Variants in ACBD3 observed in about 807,000 individuals in gnomAD.
The protein encoded by ACBD3 is acyl-CoA binding domain containing 3, also known as Golgi resident protein GCP60.
Under a neutral mutation model 66.9 loss-of-function variants are expected in ACBD3, and 30 were observed. That is an observed-to-expected ratio of 0.45 (90% CI 0.34 to 0.61). The LOEUF (loss-of-function observed/expected upper bound fraction) is 0.61, where lower values mean the gene tolerates loss of function less well. Among genes scored for constraint, ACBD3 ranks in the 20% least tolerant of loss-of-function variants. ACBD3 has a pLI of 0.02. For missense variants in ACBD3, 544 were observed against 664.5 expected (o/e 0.82, Z 1.99); for synonymous variants, 278 against 259.8 (o/e 1.07, Z -0.68).
Position 226,146,334 on chromosome 1 carries a change from A to T in ACBD3, c.*276T>A. On this transcript the variant is annotated 3_prime_UTR_variant, in exon 8 of 8. Coordinates refer to ENST00000366812, the MANE Select transcript of ACBD3 (RefSeq NM_022735.4). Reference sequence around the variant, plus strand: ...GTGTTTTATTTTGGAGACTTTAAATATTTAACATGTAGCTCATGTAACTTC... The same window carrying T: ...GTGTTTTATTTTGGAGACTTTAAATTTTTAACATGTAGCTCATGTAACTTC... 2.9e-6 allele frequency: 1 copy of T among 350,412 alleles called. No individual in the cohort carries two copies. The highest frequency in any genetic ancestry group is 3.6e-5 in the South Asian group (1 of 27,508). The allele number at this position is 350,412 out of a possible 1,614,324, so 21.7% of individuals were successfully genotyped here.
chr1:226,151,483 T>C (rs1659571409), intron 7 of ACBD3, among the ~76,000 whole-genome samples: 1 of 152,224 alleles, frequency 6.6e-6, no homozygotes, highest in South Asian at 2.1e-4. Context: ...AGACTGTCCT[T>C]TAAAACACCC....
chr1:226,157,935 C>T lies in ACBD3; in HGVS notation c.903+1249G>A, dbSNP rs138538647. Among the ~76,000 whole-genome samples, 866 of 152,314 alleles carry T rather than the reference C, an allele frequency of 5.7e-3. 10 individuals carry two copies. Among genetic ancestry groups the T allele is most frequent in the African/African-American group, 0.02 (832 of 41,556 alleles). On this transcript the variant is annotated intron_variant, in intron 5 of 7. Transcript: ENST00000366812. ...AAATGATAGCAACCTATAAACAGGA[C>T]AGAGTGTATGTGCTATTAAAAATCA...
Position 226,146,625 on chromosome 1 carries a change from G to T in ACBD3, c.1572C>A (p.Val524=), listed in dbSNP as rs1223462172. ...AACAACATTTTTATCTAGTATAATA[G>T]ACTCTGTAGTAGACTGATTTTGACC... is the stretch of plus-strand genomic sequence containing the variant. ...LWRSKSVYYR[V]YYTR is the part of the protein sequence containing the mutation. The change falls in exon 8 of 8, where the codon GTC becomes GTA. Residue 524 remains valine (V), a synonymous_variant. Transcript: ENST00000366812. 1.2e-6 allele frequency: 2 copies of T among 1,613,546 alleles called. No individual in the cohort carries two copies. The highest frequency in any genetic ancestry group is 2.7e-5 in the African/African-American group (2 of 74,786).
intron 1 of ACBD3, among the ~76,000 whole-genome samples, chr1:226,185,990 G>A (rs1656292979): frequency 6.6e-6 from 1 of 152,116 alleles, no homozygotes; most frequent in Non-Finnish European, 1.5e-5. Context: ...GTTCTGATGT[G>A]ACAAGCCATG....
At chr1:226,171,836 C>T (rs2102786333) in intron 1 of ACBD3, among the ~76,000 whole-genome samples, 1 of 152,110 alleles carries the variant, frequency 6.6e-6, no homozygotes, top group East Asian at 2.0e-4. Context: ...AGCCACCGTG[C>T]CTGGCCAATA....
chr1:226,147,274 G>A (rs139283525), intron 7 of ACBD3, among the ~76,000 whole-genome samples: 383 of 152,216 alleles, frequency 2.5e-3, no homozygotes, highest in African/African-American at 8.7e-3. Flanking sequence ...TTATTAGTTC[G>A]TTCATTCATT....
chr1:226,150,272 C>T (rs113433566), intron 7 of ACBD3, among the ~76,000 whole-genome samples: 231 of 152,178 alleles, frequency 1.5e-3, no homozygotes, highest in Non-Finnish European at 2.6e-3. Flanking sequence ...CTCTACAAAA[C>T]GGGTTGCCCA....
At chr1:226,167,603 A>G (rs1013518343) in intron 1 of ACBD3, among the ~76,000 whole-genome samples, 2 of 152,224 alleles carry the variant, frequency 1.3e-5, no homozygotes, top group East Asian at 1.9e-4. Context: ...CACTTCTTTG[A>G]TAAATGGTAG....
In ACBD3 at chr1:226,174,113, G is replaced by C. The variant is rs904139698; in HGVS notation, c.287-8113C>G. Among the ~76,000 whole-genome samples, 34 of 152,072 alleles carry C rather than the reference G, an allele frequency of 2.2e-4. 1 individual carries two copies. The highest frequency in any genetic ancestry group is 2.1e-3 in the Admixed American group (32 of 15,258). On this transcript the variant is annotated intron_variant, in intron 1 of 7. Coordinates refer to ENST00000366812, the MANE Select transcript of ACBD3 (RefSeq NM_022735.4). ...TCTGGTACCATAAACGTTAAATGTA[G>C]TTAGCAGGAAAATAATAAGTACCAC...
rs890049831 is a variant in ACBD3 at position 226,145,044 on chromosome 1, A to G, written c.*1566T>C. ...TCCATGGTTTCTATACCATATGTACATGAAAGCTGACAGAGAGCCTGACAA... is the reference window on the plus strand; with the variant it reads ...TCCATGGTTTCTATACCATATGTACGTGAAAGCTGACAGAGAGCCTGACAA... On this transcript the variant is annotated 3_prime_UTR_variant, in exon 8 of 8. Coordinates refer to ENST00000366812, the MANE Select transcript of ACBD3 (RefSeq NM_022735.4). The G allele has an allele frequency of 1.3e-5, 2 of 152,588 alleles. No homozygotes were observed. Among genetic ancestry groups the G allele is most frequent in the Non-Finnish European group, 1.5e-5 (1 of 68,020 alleles). 9.5% of individuals were successfully genotyped at this position (152,588 alleles called of 1,614,324 possible). A position where few individuals can be genotyped will look rare whatever the true frequency, so the allele number is the denominator to read the frequency against.
At chr1:226,175,071 A>G (rs1655999385) in intron 1 of ACBD3, among the ~76,000 whole-genome samples, 6 of 148,704 alleles carry the variant, frequency 4.0e-5, no homozygotes, top group Admixed American at 2.0e-4. Flanking sequence ...CCAGCCTGAC[A>G]AAAGAGTGAG....
intron 1 of ACBD3, among the ~76,000 whole-genome samples, chr1:226,179,872 A>G (rs1289585961): frequency 2.0e-5 from 3 of 151,100 alleles, no homozygotes; most frequent in Non-Finnish European, 3.0e-5. Flanking sequence ...AAAAAACCAA[A>G]TATTAAAACT....
chr1:226,180,902 G>A (rs567702506), intron 1 of ACBD3, among the ~76,000 whole-genome samples: 39 of 152,018 alleles, frequency 2.6e-4, no homozygotes, highest in African/African-American at 9.4e-4. Context: ...GGGAGGCTGA[G>A]GCAGGAGAAT....
In ACBD3 at chr1:226,145,676, G is replaced by A. The variant is rs1659433873; in HGVS notation, c.*934C>T. 1 of 152,540 alleles carries A rather than the reference G, an allele frequency of 6.6e-6. No homozygotes were observed. The highest frequency in any genetic ancestry group is 1.5e-5 in the Non-Finnish European group (1 of 68,026). The allele number at this position is 152,540 out of a possible 1,614,324, so 9.4% of individuals were successfully genotyped here. On this transcript the variant is annotated 3_prime_UTR_variant, in exon 8 of 8. Coordinates refer to ENST00000366812, the MANE Select transcript of ACBD3 (RefSeq NM_022735.4). The stretch of plus-strand genomic sequence containing the variant: ...ATTAAAAGAAAATAGACTGTCTCTG[G>A]CAGTGATTTCCATATTAGTGCAATG...
chr1:226,161,396 G>C lies in ACBD3; in HGVS notation c.728+135C>G, dbSNP rs1052951245. On this transcript the variant is annotated intron_variant, in intron 4 of 7. Transcript: ENST00000366812. Reference sequence around the variant, plus strand: ...CTCAGGTGATCTCCCAACCTCAGGTGATCTGCCCGCCTCCGCCTCCCAAAG... The same window carrying C: ...CTCAGGTGATCTCCCAACCTCAGGTCATCTGCCCGCCTCCGCCTCCCAAAG... 1.6e-5 allele frequency: 19 copies of C among 1,204,942 alleles called. No individual in the cohort carries two copies. In the Admixed American group the frequency reaches 4.7e-4, roughly 30 times the overall value. 74.6% of individuals were successfully genotyped at this position (1,204,942 alleles called of 1,614,324 possible).
At chr1:226,185,513 G>A (rs1193565867) in intron 1 of ACBD3, among the ~76,000 whole-genome samples, 1 of 151,790 alleles carries the variant, frequency 6.6e-6, no homozygotes, top group Non-Finnish European at 1.5e-5. Flanking sequence ...CGCCCTACAA[G>A]ACTAAGTATC....
rs1170130229 is a variant in ACBD3, at chr1:226,149,529, CTTTTTTTT to C, written c.1376-2716_1376-2709del. ...GGTGTCAGCCACTGCGCCCAGCCAT[CTTTTTTTT>C]TTTTTTTTTTTTTTTTTTTTTGAGA... On this transcript the variant is annotated intron_variant, in intron 7 of 7. Transcript: ENST00000366812. Among the ~76,000 whole-genome samples, 241 of 29,604 alleles carry C rather than the reference CTTTTTTTT, an allele frequency of 8.1e-3. 2 individuals carry two copies. Among genetic ancestry groups the C allele is most frequent in the Non-Finnish European group, 0.011 (203 of 17,922 alleles). 19.4% of individuals were successfully genotyped at this position (29,604 alleles called of 152,430 possible).
chr1:226,160,305 G>A (rs1160585760), intron 4 of ACBD3, among the ~76,000 whole-genome samples: 1 of 82,498 alleles, frequency 1.2e-5, no homozygotes, highest in African/African-American at 5.1e-5. Context: ...GGCCAGGCTC[G>A]TTTCAAACCC....
chr1:226,146,599 TAAC>T lies in ACBD3; in HGVS notation c.*8_*10del, dbSNP rs766588247. On this transcript the variant is annotated 3_prime_UTR_variant, in exon 8 of 8. Transcript: ENST00000366812. ...GCCCAACCCTAGACTCCAGACTTTGTAACAACATTTTTATCTAGTATAATAGAC... is the reference window on the plus strand; with the variant it reads ...GCCCAACCCTAGACTCCAGACTTTGTAACATTTTTATCTAGTATAATAGAC... The T allele has an allele frequency of 2.5e-6, 4 of 1,610,620 alleles. No homozygotes were observed. Among genetic ancestry groups the T allele is most frequent in the Admixed American group, 3.3e-5 (2 of 59,874 alleles).
Sources: gnomAD v4.1 joint callset for allele counts (sites outside exome capture counted in the v4.1 genomes callset) on GRCh38, gnomAD v4.1.1 for gene constraint, MANE v1.5 for transcripts, NCBI Gene and HGNC (gene_info 2026-07-23, HGNC 2026-07-21) for gene names.